Variants in SAMD4A observed in about 807,000 individuals in gnomAD.
The protein encoded by SAMD4A is protein Smaug homolog 1.
In SAMD4A, 33 loss-of-function variants were observed where a neutral mutation model predicts 81.3. That is an observed-to-expected ratio of 0.41 (90% confidence interval 0.31 to 0.54). SAMD4A has a LOEUF of 0.54. Among genes scored for constraint, SAMD4A ranks in the 20% least tolerant of loss-of-function variants. The probability of loss-of-function intolerance (pLI) is 0.37; values close to 1 mark genes in which losing one functional copy is unlikely to be tolerated. For missense variants in SAMD4A, 854 were observed against 951.1 expected (o/e 0.90, Z 1.34); for synonymous variants, 389 against 382.1 (o/e 1.02, Z -0.21).
intron 2 of SAMD4A, among the ~76,000 whole-genome samples, chr14:54,700,617 C>T (rs1252482450): frequency 6.6e-6 from 1 of 152,180 alleles, no homozygotes; most frequent in Non-Finnish European, 1.5e-5. Context: ...ACTGTCCAGC[C>T]CTAGCCCTTG....
At chr14:54,727,846 T>C (rs1178648116) in intron 3 of SAMD4A, among the ~76,000 whole-genome samples, 1 of 152,140 alleles carries the variant, frequency 6.6e-6, no homozygotes, top group African/African-American at 2.4e-5. Flanking sequence ...ACACACGCAC[T>C]ACCTAGTTTG....
rs1282689049 is a variant in SAMD4A at position 54,770,200 on chromosome 14, T to C, written c.1693T>C (p.Ser565Pro). 6.2e-7 allele frequency: 1 copy of C among 1,611,792 alleles called. No homozygotes were observed. Residue 565 changes from serine to proline, a missense_variant, in exon 9 of 13, where the codon TCA becomes CCA. Transcript: ENST00000554335. ...CCCTCGGAAAACCCTTCTAGACATATCAGGATATCGACAGCAAAGAAAGTA... is the reference window on the plus strand; with the variant it reads ...CCCTCGGAAAACCCTTCTAGACATACCAGGATATCGACAGCAAAGAAAGTA... ...SFPRKTLLDI[S>P]GYRQQRNRGF...
Position 54,760,174 on chromosome 14 carries a change from G to C in SAMD4A, c.1190G>C (p.Gly397Ala), listed in dbSNP as rs749212754. 8.7e-6 allele frequency: 14 copies of C among 1,612,238 alleles called. No individual in the cohort carries two copies. The highest frequency in any genetic ancestry group is 1.3e-5 in the African/African-American group (1 of 74,720). Residue 397 changes from glycine to alanine, a missense_variant, in exon 7 of 13, where the codon GGG (glycine) becomes GCG (alanine). This residue lies in a region of SAMD4A where 428 missense variants were observed against 471.2 expected (regional missense o/e 0.91). Coordinates refer to ENST00000554335, the MANE Select transcript of SAMD4A (RefSeq NM_015589.6). Reference protein sequence around the residue: ...LKSLERDIIEGGSLRIPLQEL... With the variant: ...LKSLERDIIEAGSLRIPLQEL... ...CTCACCGTCCAGGACATCATCGAGG[G>C]GGGCAGCCTGCGCATCCCGCTCCAG...
At chr14:54,625,274 T>C (rs1351936150) in intron 2 of SAMD4A, among the ~76,000 whole-genome samples, 1 of 152,228 alleles carries the variant, frequency 6.6e-6, no homozygotes, top group East Asian at 1.9e-4. Context: ...GTAATGGGCT[T>C]TCCTGCTGTT....
chr14:54,626,073 C>A (rs1466619025), intron 2 of SAMD4A, among the ~76,000 whole-genome samples: 1 of 111,466 alleles, frequency 9.0e-6, no homozygotes, highest in South Asian at 2.5e-4. Context: ...CGCGCGCGCG[C>A]GCGAGTGCGC....
intron 9 of SAMD4A, among the ~76,000 whole-genome samples, chr14:54,772,949 C>T (rs559919760): frequency 6.6e-6 from 1 of 151,892 alleles, no homozygotes; most frequent in Non-Finnish European, 1.5e-5. Context: ...TCCTTCAAAC[C>T]AAAAAATCTG....
chr14:54,574,304 G>C (rs1179830973), intron 2 of SAMD4A, among the ~76,000 whole-genome samples: 1 of 152,204 alleles, frequency 6.6e-6, no homozygotes, highest in Non-Finnish European at 1.5e-5. Flanking sequence ...TGAAAGGAGA[G>C]AACAGCGTGG....
At position 54,672,032 on chromosome 14, in the gene SAMD4A, T is replaced by G. The variant is rs543197331; in HGVS notation, c.197-30030T>G. ...TTCTGTTTATAGTGTTTTTTTTTTTTTTTTTTTCTTCAGGGTATAGTCAGC... is the reference window on the plus strand; with the variant it reads ...TTCTGTTTATAGTGTTTTTTTTTTTGTTTTTTTCTTCAGGGTATAGTCAGC... On this transcript the variant is annotated intron_variant, in intron 2 of 12. Coordinates refer to ENST00000554335, the MANE Select transcript of SAMD4A (RefSeq NM_015589.6). 3.6e-4 allele frequency among the ~76,000 whole-genome samples: 55 copies of G among 151,420 alleles called. 3 individuals are homozygous for G. Among genetic ancestry groups the G allele is most frequent in the African/African-American group, 1.3e-3 (55 of 41,404 alleles).
At chr14:54,774,242 CCAGCTA>C (rs535895956) in intron 9 of SAMD4A, among the ~76,000 whole-genome samples, 45 of 152,340 alleles carry the variant, frequency 3.0e-4, no homozygotes, top group African/African-American at 9.9e-4. Context: ...TTTTACTTCT[CCAGCTA>C]CAAAGGAGAG....
chr14:54,758,747 T>G (rs575019932), intron 6 of SAMD4A, among the ~76,000 whole-genome samples: 3 of 152,198 alleles, frequency 2.0e-5, no homozygotes, highest in Non-Finnish European at 4.4e-5. Flanking sequence ...GGAGAATTGC[T>G]TGAACCTAGG....
At chr14:54,733,152 T>G (rs1431656445) in intron 3 of SAMD4A, among the ~76,000 whole-genome samples, 2 of 152,182 alleles carry the variant, frequency 1.3e-5, no homozygotes, top group African/African-American at 4.8e-5. Context: ...AAAACAAGAT[T>G]ATAAGAACCT....
intron 11 of SAMD4A, 87 bp downstream of exon 11, chr14:54,776,627 T>C (rs1287733283): frequency 2.2e-6 from 3 of 1,357,220 alleles, no homozygotes; most frequent in East Asian, 2.8e-5. Context: ...GTGCTTAGCC[T>C]CGACTGTCAC....
At chr14:54,769,679 C>G (rs1463580144) in intron 8 of SAMD4A, among the ~76,000 whole-genome samples, 1 of 152,064 alleles carries the variant, frequency 6.6e-6, no homozygotes, top group Non-Finnish European at 1.5e-5. Context: ...TGCCCACACA[C>G]CATCAAGCAG....
intron 9 of SAMD4A, 38 bp downstream of exon 9, chr14:54,770,260 T>A: frequency 2.1e-6 from 3 of 1,410,480 alleles, no homozygotes; most frequent in Non-Finnish European, 3.0e-6. Context: ...GCGTAGTGGT[T>A]CCCCTGGCGC....
chr14:54,633,909 G>A (rs929536551), intron 2 of SAMD4A, among the ~76,000 whole-genome samples: 21 of 152,128 alleles, frequency 1.4e-4, no homozygotes, highest in Middle Eastern at 3.4e-3. Context: ...AAGTGTTGGA[G>A]GGGGGATCTT....
chr14:54,769,815 G>C (rs950925247), intron 8 of SAMD4A, among the ~76,000 whole-genome samples: 1 of 152,226 alleles, frequency 6.6e-6, no homozygotes, highest in Non-Finnish European at 1.5e-5. Flanking sequence ...CTGGAGTGGA[G>C]TCAGGAGGGA....
intron 2 of SAMD4A, among the ~76,000 whole-genome samples, chr14:54,583,452 TG>T (rs1361771268): frequency 6.6e-6 from 1 of 152,200 alleles, no homozygotes; most frequent in African/African-American, 2.4e-5. Context: ...GTGGAATGAA[TG>T]GTGCCTCTTC....
At chr14:54,663,032 G>A (rs918494493) in intron 2 of SAMD4A, among the ~76,000 whole-genome samples, 1 of 152,118 alleles carries the variant, frequency 6.6e-6, no homozygotes, top group Non-Finnish European at 1.5e-5. Context: ...ATCACACTGG[G>A]GAAACTACTC....
chr14:54,568,498 G>C (rs566625274), intron 2 of SAMD4A, among the ~76,000 whole-genome samples: 11 of 151,492 alleles, frequency 7.3e-5, no homozygotes, highest in African/African-American at 2.4e-4. Flanking sequence ...AACGTGGCTC[G>C]CTGGATTTCA....
Sources: gnomAD v4.1 joint callset for allele counts (sites outside exome capture counted in the v4.1 genomes callset) on GRCh38, gnomAD v4.1.1 for gene constraint, gnomAD v4.1.1 regional missense constraint, MANE v1.5 for transcripts, NCBI Gene and HGNC (gene_info 2026-07-23, HGNC 2026-07-21) for gene names.